Variants in NFKB1 observed in about 807,000 individuals in gnomAD.
NFKB1 encodes nuclear factor NF-kappa-B p105 subunit.
Under a neutral mutation model 105.1 loss-of-function variants are expected in NFKB1, and 9 were observed. The ratio of observed to expected loss-of-function variants is 0.09; its 90% CI spans 0.05 to 0.15. NFKB1 has a LOEUF of 0.15. Among genes scored for constraint, NFKB1 ranks in the 10% least tolerant of loss-of-function variants. NFKB1 has a pLI of 1.00. For missense variants in NFKB1, 830 were observed against 1,203.7 expected, an observed-to-expected ratio of 0.69 and a Z score of 4.59; for synonymous variants, 440 against 442.2, an observed-to-expected ratio of 1.00 and a Z score of 0.06.
At position 102,561,117 on chromosome 4, in the gene NFKB1, A is replaced by G. The variant is rs79793563; in HGVS notation, c.259-5870A>G. The stretch of plus-strand genomic sequence containing the variant: ...TATGCCAGAAACTGTGTTGGACATA[A>G]TTCTGTACTATCTTATTTGGTAAAG... On this transcript the variant is annotated intron_variant, in intron 5 of 23. Transcript: ENST00000226574. Among the ~76,000 whole-genome samples, 1,356 of 152,282 alleles carry G rather than the reference A, an allele frequency of 8.9e-3. 14 individuals carry two copies. The highest frequency in any genetic ancestry group is 0.03 in the African/African-American group (1,248 of 41,560).
chr4:102,598,787 A>C (rs756603530), intron 15 of NFKB1, among the ~76,000 whole-genome samples: 1 of 152,230 alleles, frequency 6.6e-6, no homozygotes, highest in East Asian at 1.9e-4. Flanking sequence ...AGATGAGCAC[A>C]TACAGGTTAG....
rs1261412487 is a variant in NFKB1 at position 102,606,506 on chromosome 4, A to C, written c.1763A>C (p.His588Pro). ...CCTTTCACTTTCCAGACGCCCTTGC[A>C]CTTGGCAGTGATCACTAAGCAGGAA... ...MRNDLYQTPL[H>P]LAVITKQEDV... The change falls in exon 17 of 24, where the codon CAC (histidine) becomes CCC (proline). Residue 588 changes from histidine (H) to proline (P), a missense_variant. Around this residue, in one of 8 missense-constraint regions of NFKB1, gnomAD observed 418 missense variants for 575.3 expected, o/e 0.73. Transcript: ENST00000226574. 6.2e-7 allele frequency: 1 copy of C among 1,613,956 alleles called. No homozygotes were observed. Among genetic ancestry groups the C allele is most frequent in the African/African-American group, 1.3e-5 (1 of 74,916 alleles).
At chr4:102,597,448 G>A (rs1190127169) in intron 14 of NFKB1, 72 bp from the exon 15 acceptor site, 24 of 1,470,722 alleles carry the variant, frequency 1.6e-5, no homozygotes, top group Non-Finnish European at 2.1e-5. Flanking sequence ...TGGTCAGTTT[G>A]TCCTTAAGCA....
chr4:102,561,363 C>G (rs1016638248), intron 5 of NFKB1, among the ~76,000 whole-genome samples: 1 of 150,610 alleles, frequency 6.6e-6, no homozygotes, highest in African/African-American at 2.4e-5. Flanking sequence ...TGTGGCATGA[C>G]TCTGTGAAGG....
chr4:102,572,804 G>A (rs1156671317), intron 6 of NFKB1, among the ~76,000 whole-genome samples: 1 of 152,096 alleles, frequency 6.6e-6, no homozygotes, highest in African/African-American at 2.4e-5. Flanking sequence ...GAAAAAAGGT[G>A]TTTATATTTA....
At chr4:102,507,052 T>TTAGTTACATA (rs1489670231) in intron 1 of NFKB1, among the ~76,000 whole-genome samples, 1 of 148,516 alleles carries the variant, frequency 6.7e-6, no homozygotes, top group Non-Finnish European at 1.5e-5. Context: ...TTAATATATA[T>TTAGTTACATA]TAGTTACAAA....
intron 11 of NFKB1, among the ~76,000 whole-genome samples, chr4:102,585,326 G>A (rs1725629756): frequency 6.6e-6 from 1 of 152,120 alleles, no homozygotes. Context: ...TTATTTTGAG[G>A]TCATGGAATT....
intron 22 of NFKB1, among the ~76,000 whole-genome samples, 165 bp from the exon 23 acceptor site, chr4:102,613,260 C>T (rs1216622940): frequency 2.0e-5 from 3 of 152,046 alleles, no homozygotes; most frequent in Admixed American, 1.3e-4. Flanking sequence ...AAACTTGATT[C>T]GAAGACTGTA....
chr4:102,520,393 A>T (rs1358425359), intron 1 of NFKB1, among the ~76,000 whole-genome samples: 1 of 152,182 alleles, frequency 6.6e-6, no homozygotes, highest in African/African-American at 2.4e-5. Context: ...CTCGGTGTTA[A>T]TAAGCTTTGT....
intron 11 of NFKB1, among the ~76,000 whole-genome samples, chr4:102,592,444 A>G (rs1217672141): frequency 6.6e-6 from 1 of 152,200 alleles, no homozygotes; most frequent in Non-Finnish European, 1.5e-5. Context: ...CACCACCCTT[A>G]TCAGTCAGCA....
intron 5 of NFKB1, among the ~76,000 whole-genome samples, chr4:102,550,544 C>T (rs1028379475): frequency 4.6e-5 from 7 of 152,134 alleles, no homozygotes; most frequent in African/African-American, 1.7e-4. Flanking sequence ...ATCTCATATC[C>T]CATATTTCTT....
chr4:102,581,335 A>C (rs1370589166), intron 9 of NFKB1, among the ~76,000 whole-genome samples: 1 of 152,212 alleles, frequency 6.6e-6, no homozygotes, highest in Non-Finnish European at 1.5e-5. Flanking sequence ...GCATTTTCAA[A>C]GTAAGCAGAT....
At chr4:102,580,084 C>G (rs1307992596) in intron 8 of NFKB1, among the ~76,000 whole-genome samples, 1 of 152,056 alleles carries the variant, frequency 6.6e-6, no homozygotes, top group Non-Finnish European at 1.5e-5. Context: ...ATTTTCCTTA[C>G]CTGTAAAATA....
At chr4:102,557,036 A>G (rs1357446555) in intron 5 of NFKB1, 1 of 152,170 alleles carries the variant, frequency 6.6e-6, no homozygotes, top group Admixed American at 6.6e-5. Context: ...TTAGCCCTGG[A>G]AAAGGGAACA....
chr4:102,607,386 G>GA (rs1437744720), intron 18 of NFKB1, 67 bp downstream of exon 18: 9 of 1,548,428 alleles, frequency 5.8e-6, no homozygotes, highest in Non-Finnish European at 8.0e-6. Context: ...TCTTTTCAAA[G>GA]AAGGAAGTCA....
intron 16 of NFKB1, among the ~76,000 whole-genome samples, chr4:102,605,910 G>A (rs973475503): frequency 6.6e-6 from 1 of 152,064 alleles, no homozygotes; most frequent in Admixed American, 6.5e-5. Context: ...TTTGTTAATT[G>A]GTTTCTATTG....
At chr4:102,525,583 C>A in intron 2 of NFKB1, 26 bp downstream of exon 2, 1 of 1,588,244 alleles carries the variant, frequency 6.3e-7, no homozygotes, top group Non-Finnish European at 8.6e-7. Flanking sequence ...TCACTGATAA[C>A]TTTATTTAAA....
chr4:102,551,888 G>T (rs1722648204), intron 5 of NFKB1, among the ~76,000 whole-genome samples: 1 of 152,146 alleles, frequency 6.6e-6, no homozygotes, highest in African/African-American at 2.4e-5. Context: ...ATATTTAAAA[G>T]ATATAAATAC....
At chr4:102,600,802 G>A in intron 15 of NFKB1, 93 bp from the exon 16 acceptor site, 1 of 791,706 alleles carries the variant, frequency 1.3e-6, no homozygotes, top group Non-Finnish European at 2.2e-6. Context: ...AGGTATGAGA[G>A]CAGATTCCAT....
Sources: allele counts gnomAD v4.1 joint callset (sites outside exome capture counted in the v4.1 genomes callset), GRCh38; gene constraint gnomAD v4.1.1; regional missense constraint gnomAD v4.1.1; transcripts MANE v1.5; gene names NCBI Gene and HGNC (gene_info 2026-07-23, HGNC 2026-07-21).